The following PTPRS variants were observed in gnomAD, a reference collection of about 807,000 sequenced individuals.
PTPRS encodes the protein receptor-type tyrosine-protein phosphatase S.
A neutral mutation model predicts 215.3 loss-of-function variants in PTPRS; 63 were observed. That is an observed-to-expected ratio of 0.29 (90% CI 0.24 to 0.36). The LOEUF is 0.36. Among genes scored for constraint, PTPRS ranks in the 10% least tolerant of loss-of-function variants. The pLI is 1.00. For synonymous variants in PTPRS, 1,404 were observed against 1,191.4 expected (o/e 1.18, Z -3.68); for missense variants, 2,258 against 2,825.8 (o/e 0.80, Z 4.56).
intron 2 of PTPRS, among the ~76,000 whole-genome samples, chr19:5,276,764 G>C (rs1011942187): frequency 6.6e-6 from 1 of 151,648 alleles, no homozygotes; most frequent in Non-Finnish European, 1.5e-5. Context: ...GGATGGTCTC[G>C]ATCTCCTGAC....
chr19:5,265,202 G>C lies in PTPRS; in HGVS notation c.380-6C>G, dbSNP rs1199422135. Reference sequence around the variant, plus strand: ...GCCAGAGGGCAGCTGGTCCTCTGAGGGCAGAGACGTGAGAGAAATGGGCAT... The same window carrying C: ...GCCAGAGGGCAGCTGGTCCTCTGAGCGCAGAGACGTGAGAGAAATGGGCAT... On this transcript the variant is annotated splice_polypyrimidine_tract_variant and splice_region_variant and intron_variant, in intron 4 of 37. Transcript: ENST00000262963. The C allele has an allele frequency of 3.1e-6, 5 of 1,611,988 alleles. No homozygotes were observed. The highest frequency in any genetic ancestry group is 3.3e-5 in the Admixed American group (2 of 59,822).
intron 9 of PTPRS, among the ~76,000 whole-genome samples, chr19:5,247,917 T>A (rs1443771822): frequency 2.0e-5 from 3 of 150,914 alleles, no homozygotes; most frequent in African/African-American, 4.9e-5. Flanking sequence ...AGTCCAGAAG[T>A]CGCACTGGAG....
chr19:5,259,987 TG>T (rs2045858759), intron 7 of PTPRS, among the ~76,000 whole-genome samples: 1 of 152,166 alleles, frequency 6.6e-6, no homozygotes, highest in African/African-American at 2.4e-5. Context: ...AAGGTAGGGC[TG>T]GACACTGATT....
At chr19:5,333,322 AAATAATAAT>A (rs35174348) in intron 1 of PTPRS, among the ~76,000 whole-genome samples, 2 of 143,576 alleles carry the variant, frequency 1.4e-5, no homozygotes, top group African/African-American at 2.6e-5. Context: ...AAAAATAAAT[AAATAATAAT>A]AATAATAATA....
At chr19:5,324,990 G>A (rs910367758) in intron 1 of PTPRS, among the ~76,000 whole-genome samples, 1 of 152,216 alleles carries the variant, frequency 6.6e-6, no homozygotes, top group African/African-American at 2.4e-5. Flanking sequence ...AATTGCAAAT[G>A]CCAGAAAAAG....
At chr19:5,288,867 G>A (rs756197352) in intron 1 of PTPRS, among the ~76,000 whole-genome samples, 1 of 152,314 alleles carries the variant, frequency 6.6e-6, no homozygotes, top group Middle Eastern at 3.4e-3. Context: ...TGGCTCCCAC[G>A]GCAGAAGCCA....
chr19:5,328,683 A>C (rs2050235082), intron 1 of PTPRS, among the ~76,000 whole-genome samples: 1 of 151,816 alleles, frequency 6.6e-6, no homozygotes. Context: ...TAATCCCAGC[A>C]CTTTGGGAGG....
chr19:5,223,072 G>A lies in PTPRS; in HGVS notation c.2720C>T (p.Ala907Val), dbSNP rs200860780. 673 of 1,555,868 alleles carry A rather than the reference G, an allele frequency of 4.3e-4. 1 individual carries two copies. The highest frequency in any genetic ancestry group is 4.0e-4 in the Non-Finnish European group (458 of 1,150,760). ...CTCGCCCAGGCCGCCGCGGCTCCGGGCCGCAAGCCGGAACACATACGTGGC... is the reference window on the plus strand; with the variant it reads ...CTCGCCCAGGCCGCCGCGGCTCCGGACCGCAAGCCGGAACACATACGTGGC... ...KGATYVFRLA[A>V]RSRGGLGEEA... The change falls in exon 18 of 38, where the codon GCC becomes GTC. Residue 907 changes from alanine (A) to valine (V), a missense_variant. Physicochemically the swap from Ala to Val is moderately conservative, Grantham distance 64. Around this residue, in one of 6 missense-constraint regions of PTPRS, gnomAD observed 361 missense variants for 332.6 expected, o/e 1.09. Coordinates refer to ENST00000262963, the MANE Select transcript of PTPRS (RefSeq NM_002850.4).
chr19:5,240,167 G>A (rs1339295102), intron 12 of PTPRS, 32 bp downstream of exon 12: 3 of 1,495,534 alleles, frequency 2.0e-6, no homozygotes, highest in Non-Finnish European at 2.7e-6. Context: ...GAGGAGCCCA[G>A]GGCAGGCCAG....
At chr19:5,328,970 G>C (rs958505863) in intron 1 of PTPRS, among the ~76,000 whole-genome samples, 1 of 152,316 alleles carries the variant, frequency 6.6e-6, no homozygotes, top group East Asian at 1.9e-4. Context: ...TGGCAATGCT[G>C]GTACACGCAG....
At chr19:5,239,164 G>GGAGAGA (rs36138461) in intron 12 of PTPRS, 101 bp from the exon 13 acceptor site, 64 of 433,628 alleles carry the variant, frequency 1.5e-4, no homozygotes, top group South Asian at 7.0e-4. Context: ...GGGGGGAGGG[G>GGAGAGA]GAGAGAGAGA....
chr19:5,214,055 G>A (rs1338319756), intron 30 of PTPRS, among the ~76,000 whole-genome samples: 1 of 152,198 alleles, frequency 6.6e-6, no homozygotes, highest in Non-Finnish European at 1.5e-5. Context: ...GCTGGGTGAG[G>A]CCAGAGGACA....
At chr19:5,248,042 G>A (rs935893088) in intron 9 of PTPRS, among the ~76,000 whole-genome samples, 39 of 148,852 alleles carry the variant, frequency 2.6e-4, no homozygotes, top group African/African-American at 9.0e-4. Context: ...AGATGGGGGG[G>A]GCGGGTGGCT....
At chr19:5,267,646 G>C in intron 4 of PTPRS, among the ~76,000 whole-genome samples, 1 of 125,134 alleles carries the variant, frequency 8.0e-6, no homozygotes, top group Non-Finnish European at 1.7e-5. Context: ...GACAGAGCAA[G>C]ACTGTCTCAA....
At position 5,270,526 on chromosome 19, in the gene PTPRS, T is replaced by A. The variant is rs190973653; in HGVS notation, c.379+2916A>T. 6.3e-4 allele frequency among the ~76,000 whole-genome samples: 96 copies of A among 152,300 alleles called. 1 individual carries two copies. The highest frequency in any genetic ancestry group is 6.8e-3 in the Middle Eastern group (2 of 294). ...GGGGTCTCTATGTTGCCCAGACTAG[T>A]CTCAAACTCCTGGGCTCAAGTGATC... On this transcript the variant is annotated intron_variant, in intron 4 of 37. Transcript: ENST00000262963.
intron 4 of PTPRS, among the ~76,000 whole-genome samples, chr19:5,272,637 A>AAAAAAAAAAT (rs2047018885): frequency 7.5e-6 from 1 of 133,880 alleles, no homozygotes; most frequent in African/African-American, 2.8e-5. Flanking sequence ...AAAAAAAAAA[A>AAAAAAAAAAT]GAATTGCACC....
At chr19:5,313,139 A>G (rs924267929) in intron 1 of PTPRS, among the ~76,000 whole-genome samples, 3 of 151,968 alleles carry the variant, frequency 2.0e-5, no homozygotes, top group Admixed American at 2.0e-4. Context: ...CTGGTCTCAA[A>G]CTCCTGGCCT....
chr19:5,210,387 T>G lies in PTPRS; in HGVS notation c.5487+82A>C, dbSNP rs1599350693. The G allele has an allele frequency of 1.3e-6, 2 of 1,589,890 alleles. No individual in the cohort carries two copies. The highest frequency in any genetic ancestry group is 2.3e-5 in the South Asian group (2 of 87,840). ...CAATGCTTATGCCTAACCCTTGGCC[T>G]TTGTATCCATCACCAACCAGGGCAG... On this transcript the variant is annotated intron_variant, in intron 35 of 37. Coordinates refer to ENST00000262963, the MANE Select transcript of PTPRS (RefSeq NM_002850.4). This position sits in a 1 kb window ranked among gnomAD's most constrained non-coding sequence, Gnocchi z 4.5.
chr19:5,280,849 T>C (rs12972268), intron 2 of PTPRS, among the ~76,000 whole-genome samples: 27,871 of 151,610 alleles, frequency 0.18, 2,864 homozygotes, highest in Non-Finnish European at 0.24. Flanking sequence ...TGGAATGCAG[T>C]GGCGTAATCT....
Sources: gnomAD v4.1 joint callset for allele counts (sites outside exome capture counted in the v4.1 genomes callset) on GRCh38, gnomAD v4.1.1 for gene constraint, gnomAD v4.1.1 regional missense constraint, Gnocchi (gnomAD v3.1) non-coding constraint, MANE v1.5 for transcripts, NCBI Gene and HGNC (gene_info 2026-07-23, HGNC 2026-07-21) for gene names.